Variants in CRACD observed in about 807,000 individuals in gnomAD.
The protein encoded by CRACD is capping protein inhibiting regulator of actin dynamics.
CRACD carries 56 observed loss-of-function variants against 106.8 expected under a neutral mutation model. The observed-to-expected ratio is 0.52, with a 90% CI of 0.42 to 0.66. The LOEUF (loss-of-function observed/expected upper bound fraction) is 0.66, where lower values mean the gene tolerates loss of function less well. Ranked by LOEUF, CRACD falls within the 30% of genes least tolerant of loss-of-function variation. The probability of loss-of-function intolerance (pLI) is 0.00; values close to 1 mark genes in which losing one functional copy is unlikely to be tolerated. For missense variants in CRACD, 1,730 were observed against 1,623.2 expected (o/e 1.07, Z -1.13); for synonymous variants, 754 against 670.8 (o/e 1.12, Z -1.92).
chr4:56,311,840 A>AG (rs1212029416), intron 6 of CRACD, among the ~76,000 whole-genome samples: 2 of 152,212 alleles, frequency 1.3e-5, no homozygotes, highest in Non-Finnish European at 2.9e-5. Flanking sequence ...CTCTAGCAGG[A>AG]GCCCTTTGCT....
chr4:56,126,107 C>T (rs1212690161), intron 1 of CRACD, among the ~76,000 whole-genome samples: 1 of 152,014 alleles, frequency 6.6e-6, no homozygotes, highest in East Asian at 1.9e-4. Context: ...CAAATTTGGC[C>T]AGTGGGAAAC....
At position 56,324,276 on chromosome 4, in the gene CRACD, A is replaced by G; in HGVS notation, c.3541+10A>G. ...CCTACGTCTGTGACAGGTAGAGAGC[A>G]GGTCCATTGCTTTGTAACTGTAGTT... On this transcript the variant is annotated intron_variant, in intron 10 of 10. Transcript: ENST00000682029. 1 of 1,609,740 alleles carries G rather than the reference A, an allele frequency of 6.2e-7. No individual in the cohort carries two copies. Among genetic ancestry groups the G allele is most frequent in the South Asian group, 1.1e-5 (1 of 90,344 alleles).
At chr4:56,163,099 C>T (rs1017338533) in intron 1 of CRACD, among the ~76,000 whole-genome samples, 4 of 152,164 alleles carry the variant, frequency 2.6e-5, no homozygotes, top group South Asian at 2.1e-4. Context: ...TCACCCTCCA[C>T]GCTATTCTGA....
In CRACD at chr4:56,137,276, A is replaced by G. The variant is rs74795597; in HGVS notation, c.-335-42008A>G. Among the ~76,000 whole-genome samples the G allele has an allele frequency of 2.4e-5, 3 of 126,770 alleles. No individual in the cohort carries two copies. The South Asian group carries it at 7.9e-4, about 33-fold the overall frequency. 83.2% of individuals were successfully genotyped at this position (126,770 alleles called of 152,430 possible). Reference sequence around the variant, plus strand: ...AACAGAGGGAGACCCTGCTTCAAAGAAAAAAAAAAAGAAAAGAAAATTTTC... The same window carrying G: ...AACAGAGGGAGACCCTGCTTCAAAGGAAAAAAAAAAGAAAAGAAAATTTTC... On this transcript the variant is annotated intron_variant, in intron 1 of 10. Coordinates refer to ENST00000682029, the MANE Select transcript of CRACD (RefSeq NM_001393381.1).
intron 5 of CRACD, among the ~76,000 whole-genome samples, chr4:56,310,256 G>C (rs1303878970): frequency 6.6e-6 from 1 of 152,090 alleles, no homozygotes; most frequent in Non-Finnish European, 1.5e-5. Flanking sequence ...TCATTGCTTA[G>C]ATGGGGGAGG....
At chr4:56,326,838 C>T (rs1210765652) in intron 10 of CRACD, among the ~76,000 whole-genome samples, 2 of 150,974 alleles carry the variant, frequency 1.3e-5, no homozygotes, top group African/African-American at 4.9e-5. Context: ...CTGCAGGGTT[C>T]AAGTGATTCT....
At chr4:56,267,364 C>A (rs561076911) in intron 2 of CRACD, among the ~76,000 whole-genome samples, 1 of 152,108 alleles carries the variant, frequency 6.6e-6, no homozygotes, top group African/African-American at 2.4e-5. Context: ...CCTCGTGATC[C>A]GCCTGCCTCA....
At position 56,323,410 on chromosome 4, in the gene CRACD, A is replaced by G. The variant is rs375179247; in HGVS notation, c.3221A>G (p.Asp1074Gly). The stretch of plus-strand genomic sequence containing the variant: ...ATGCTTCAGAGCAGACACTCCTTAG[A>G]TGGCTCCAAACTTACAGAGAAAGTG... ...KPMLQSRHSL[D>G]GSKLTEKVET... The change falls in exon 9 of 11, where the codon GAT (aspartate) becomes GGT (glycine). Residue 1074 changes from aspartate (D) to glycine (G), a missense_variant. Around this residue, in one of 5 missense-constraint regions of CRACD, gnomAD observed 1,620 missense variants for 1,481.6 expected, o/e 1.09. Transcript: ENST00000682029. The G allele has an allele frequency of 6.2e-7, 1 of 1,610,958 alleles. No homozygotes were observed. Among genetic ancestry groups the G allele is most frequent in the African/African-American group, 1.3e-5 (1 of 74,612 alleles).
intron 1 of CRACD, among the ~76,000 whole-genome samples, chr4:56,162,153 G>A (rs1450784090): frequency 1.3e-5 from 2 of 151,870 alleles, no homozygotes; most frequent in Non-Finnish European, 2.9e-5. Flanking sequence ...TCAGAGATGG[G>A]TAGATTTTTA....
intron 5 of CRACD, among the ~76,000 whole-genome samples, chr4:56,307,906 G>A (rs532570104): frequency 6.6e-6 from 1 of 152,304 alleles, no homozygotes; most frequent in East Asian, 1.9e-4. Flanking sequence ...CCCTTTGCAG[G>A]CGGTCTTCCC....
intron 2 of CRACD, among the ~76,000 whole-genome samples, chr4:56,268,414 A>C (rs1158359665): frequency 6.6e-6 from 1 of 152,016 alleles, no homozygotes; most frequent in Non-Finnish European, 1.5e-5. Context: ...GTTTCTGATT[A>C]GAAATTTTGG....
At chr4:56,313,543 T>G (rs1745297581) in intron 7 of CRACD, among the ~76,000 whole-genome samples, 164 bp downstream of exon 7, 1 of 152,242 alleles carries the variant, frequency 6.6e-6, no homozygotes, top group African/African-American at 2.4e-5. Flanking sequence ...GCCTGTTTAC[T>G]TTCCTCGCCC....
In CRACD at chr4:56,273,024, G is replaced by A. The variant is rs188332234; in HGVS notation, c.-17+532G>A. ...GAGTCTGACCTCATTTTCTGGGAGTGCACAGGAATTGGGCATTCATTTCGC... is the reference window on the plus strand; with the variant it reads ...GAGTCTGACCTCATTTTCTGGGAGTACACAGGAATTGGGCATTCATTTCGC... On this transcript the variant is annotated intron_variant, in intron 3 of 10. Transcript: ENST00000682029. Among the ~76,000 whole-genome samples, 358 of 152,240 alleles carry A rather than the reference G, an allele frequency of 2.4e-3. 1 individual carries two copies. Among genetic ancestry groups the A allele is most frequent in the Non-Finnish European group, 3.6e-3 (243 of 68,022 alleles).
chr4:56,292,615 C>T (rs1470586103), intron 3 of CRACD, among the ~76,000 whole-genome samples: 3 of 152,034 alleles, frequency 2.0e-5, no homozygotes, highest in Admixed American at 1.3e-4. Context: ...ACCTCCACCT[C>T]CCGGGTTCAC....
rs769154136 is a variant in CRACD, at chr4:56,316,698, C to T, written c.3187+9C>T. The T allele has an allele frequency of 5.0e-6, 8 of 1,598,342 alleles. No homozygotes were observed. The Admixed American group carries it at 1.2e-4, about 24-fold the overall frequency. Reference sequence around the variant, plus strand: ...CGAGGCCGGGAGGAAAGGTAGGTAGCTGCAGGGTGGGTAACTGCTGCCAGC... The same window carrying T: ...CGAGGCCGGGAGGAAAGGTAGGTAGTTGCAGGGTGGGTAACTGCTGCCAGC... On this transcript the variant is annotated intron_variant, in intron 8 of 10. Coordinates refer to ENST00000682029, the MANE Select transcript of CRACD (RefSeq NM_001393381.1).
intron 2 of CRACD, among the ~76,000 whole-genome samples, chr4:56,253,624 A>C (rs1431466272): frequency 1.3e-5 from 2 of 152,250 alleles, no homozygotes; most frequent in Non-Finnish European, 2.9e-5. Flanking sequence ...GTTAAAAGCA[A>C]AAAACAAAAC....
intron 3 of CRACD, among the ~76,000 whole-genome samples, chr4:56,291,684 C>T (rs982251922): frequency 2.0e-5 from 3 of 152,140 alleles, no homozygotes; most frequent in Non-Finnish European, 2.9e-5. Context: ...GACTGACATA[C>T]CTGCCCCCAT....
intron 2 of CRACD, among the ~76,000 whole-genome samples, chr4:56,235,339 T>C (rs1287037634): frequency 2.0e-5 from 3 of 152,340 alleles, no homozygotes; most frequent in South Asian, 2.1e-4. Flanking sequence ...ACTTAGAAAC[T>C]TTCATTTTGT....
chr4:56,051,698 G>C (rs1001552050), intron 1 of CRACD, among the ~76,000 whole-genome samples: 1 of 152,054 alleles, frequency 6.6e-6, no homozygotes, highest in Admixed American at 6.6e-5. Context: ...AGAAAATCAC[G>C]CTGGAATTAG....
Sources: gnomAD v4.1 joint callset for allele counts (sites outside exome capture counted in the v4.1 genomes callset) on GRCh38, gnomAD v4.1.1 for gene constraint, gnomAD v4.1.1 regional missense constraint, MANE v1.5 for transcripts, NCBI Gene and HGNC (gene_info 2026-07-23, HGNC 2026-07-21) for gene names.